Variants in ROBO1 observed in about 807,000 individuals in gnomAD.
ROBO1 encodes roundabout homolog 1.
ROBO1 carries 149 observed loss-of-function variants against 195.9 expected under a neutral mutation model. The observed-to-expected ratio is 0.76, with a 90% CI of 0.67 to 0.87. ROBO1 has a LOEUF of 0.87. Ranked by LOEUF, ROBO1 falls within the 40% of genes least tolerant of loss-of-function variation. ROBO1 has a pLI of 0.00. For synonymous variants in ROBO1, 816 were observed against 733.2 expected (o/e 1.11, Z -1.82); for missense variants, 1,933 against 2,068.3 (o/e 0.93, Z 1.27).
At chr3:78,786,841 T>C (rs943808543) in intron 4 of ROBO1, among the ~76,000 whole-genome samples, 7 of 152,170 alleles carry the variant, frequency 4.6e-5, no homozygotes, top group African/African-American at 1.2e-4. Flanking sequence ...TATTTCTTCA[T>C]AGCAGTATGA....
chr3:78,702,115 C>A (rs562211314), intron 8 of ROBO1, among the ~76,000 whole-genome samples: 5 of 152,148 alleles, frequency 3.3e-5, no homozygotes, highest in Admixed American at 3.3e-4. Flanking sequence ...CAAAGGACAC[C>A]AGATGCTATG....
At chr3:78,736,823 A>G (rs1192347766) in intron 5 of ROBO1, among the ~76,000 whole-genome samples, 1 of 152,182 alleles carries the variant, frequency 6.6e-6, no homozygotes, top group Non-Finnish European at 1.5e-5. Flanking sequence ...TCAGGGTCCA[A>G]ACATGATAAG....
At chr3:79,093,190 G>T (rs1169214606) in intron 3 of ROBO1, among the ~76,000 whole-genome samples, 2 of 152,086 alleles carry the variant, frequency 1.3e-5, no homozygotes, top group African/African-American at 2.4e-5. Context: ...AGAATATGGG[G>T]TAACACCAGG....
At chr3:78,918,365 G>GA (rs1424352182) in intron 4 of ROBO1, among the ~76,000 whole-genome samples, 2 of 152,006 alleles carry the variant, frequency 1.3e-5, no homozygotes, top group African/African-American at 2.4e-5. Context: ...CTCACAGGAT[G>GA]AAAAAAATGT....
chr3:79,388,958 T>G (rs1043569335), intron 2 of ROBO1, among the ~76,000 whole-genome samples: 2 of 152,026 alleles, frequency 1.3e-5, no homozygotes, highest in African/African-American at 4.8e-5. Context: ...CAGCATAATT[T>G]TAAAGAGAGG....
intron 17 of ROBO1, among the ~76,000 whole-genome samples, chr3:78,657,555 T>C (rs1446407144): frequency 6.6e-6 from 1 of 152,214 alleles, no homozygotes; most frequent in African/African-American, 2.4e-5. Context: ...GTAGTTTCTA[T>C]CAGCCCACTT....
intron 2 of ROBO1, among the ~76,000 whole-genome samples, chr3:79,570,331 C>A (rs953893062): frequency 6.6e-6 from 1 of 151,646 alleles, no homozygotes; most frequent in Admixed American, 6.6e-5. Context: ...TTTTTACGTC[C>A]CTGCTTAGGC....
chr3:78,724,619 T>A (rs915475223), intron 5 of ROBO1, among the ~76,000 whole-genome samples: 11 of 151,066 alleles, frequency 7.3e-5, no homozygotes, highest in African/African-American at 2.7e-4. Context: ...GAGGCAGAGG[T>A]TGCAGTGAGC....
chr3:79,114,233 C>G (rs1023664299), intron 3 of ROBO1, among the ~76,000 whole-genome samples: 1 of 152,114 alleles, frequency 6.6e-6, no homozygotes, highest in East Asian at 1.9e-4. Context: ...AACATAAGAA[C>G]AGACTATTAC....
At chr3:78,829,153 T>C (rs371435845) in intron 4 of ROBO1, among the ~76,000 whole-genome samples, 1 of 152,150 alleles carries the variant, frequency 6.6e-6, no homozygotes, top group Non-Finnish European at 1.5e-5. Context: ...ATCTCAAGTA[T>C]GTAGGATAAT....
chr3:79,396,356 A>G (rs1046800986), intron 2 of ROBO1, among the ~76,000 whole-genome samples: 1 of 152,126 alleles, frequency 6.6e-6, no homozygotes, highest in African/African-American at 2.4e-5. Flanking sequence ...ATCTTTTGAT[A>G]TATTCTATAC....
rs35081123 is a variant in ROBO1, at chr3:78,929,479, C to CATTTATTTATTT, written c.499+9110_499+9121dup. ...ACAGAAATTATTTCTTTTCCAGTATCATTTATTTATTTATTTATTTATTTA... is the reference window on the plus strand; with the variant it reads ...ACAGAAATTATTTCTTTTCCAGTATCATTTATTTATTTATTTATTTATTTATTTATTTATTTA... On this transcript the variant is annotated intron_variant, in intron 4 of 30. Coordinates refer to ENST00000464233, the MANE Select transcript of ROBO1 (RefSeq NM_002941.4). Among the ~76,000 whole-genome samples, 239 of 144,364 alleles carry CATTTATTTATTT rather than the reference C, an allele frequency of 1.7e-3. 1 individual carries two copies. The highest frequency in any genetic ancestry group is 3.5e-3 in the African/African-American group (135 of 38,968). The allele number at this position is 144,364 out of a possible 152,430, so 94.7% of individuals were successfully genotyped here. A position where few individuals can be genotyped will look rare whatever the true frequency, so the allele number is the denominator to read the frequency against.
intron 1 of ROBO1, among the ~76,000 whole-genome samples, chr3:79,743,834 C>A (rs918604261): frequency 1.3e-5 from 2 of 152,152 alleles, no homozygotes; most frequent in Non-Finnish European, 1.5e-5. Context: ...TGCCTTCCAC[C>A]TCCACATCTT....
intron 3 of ROBO1, among the ~76,000 whole-genome samples, chr3:79,115,165 C>A (rs1333152290): frequency 6.6e-6 from 1 of 152,140 alleles, no homozygotes; most frequent in African/African-American, 2.4e-5. Flanking sequence ...TCTTTCAAAT[C>A]ACAAATGTGC....
chr3:78,769,618 G>GTTTTTTTTTTTTTTTTTTTGTTTTTTAAT (rs2083318615), intron 4 of ROBO1, among the ~76,000 whole-genome samples: 1 of 84,006 alleles, frequency 1.2e-5, no homozygotes, highest in Non-Finnish European at 2.2e-5. Context: ...GTGTACTTTG[G>GTTTTTTTTTTTTTTTTTTTGTTTTTTAAT]TTTTTTTTTT....
At chr3:79,709,967 C>T (rs1218197616) in intron 1 of ROBO1, among the ~76,000 whole-genome samples, 1 of 152,110 alleles carries the variant, frequency 6.6e-6, no homozygotes, top group East Asian at 1.9e-4. Flanking sequence ...ACTTCCTAGC[C>T]CCTGGAATTG....
chr3:79,672,639 A>T (rs1430768872), intron 1 of ROBO1, among the ~76,000 whole-genome samples: 1 of 151,876 alleles, frequency 6.6e-6, no homozygotes, highest in Non-Finnish European at 1.5e-5. Flanking sequence ...ATAAGGATGC[A>T]TTTTATTAAT....
intron 2 of ROBO1, among the ~76,000 whole-genome samples, chr3:79,317,854 T>C (rs1449581071): frequency 6.6e-6 from 1 of 152,086 alleles, no homozygotes; most frequent in Non-Finnish European, 1.5e-5. Flanking sequence ...AGATCTGTGT[T>C]ATACACACAC....
Position 78,614,790 on chromosome 3 carries a change from A to G in ROBO1, c.4293T>C (p.His1431=). The change falls in exon 28 of 31, where the codon CAT becomes CAC. Residue 1431 remains histidine (H), a synonymous_variant. Transcript: ENST00000464233. The part of the protein sequence containing the change: ...RQMQDAAGRR[H]FHASQCPRPT... ...GCCTAGGGCACTGAGACGCATGAAA[A>G]TGTCGACGGCCTAAGGAGAAAAAAA... 8.7e-6 allele frequency: 14 copies of G among 1,610,424 alleles called. No homozygotes were observed. The highest frequency in any genetic ancestry group is 1.2e-5 in the Non-Finnish European group (14 of 1,178,452).
Sources: gnomAD v4.1 joint callset for allele counts (sites outside exome capture counted in the v4.1 genomes callset) on GRCh38, gnomAD v4.1.1 for gene constraint, MANE v1.5 for transcripts, NCBI Gene and HGNC (gene_info 2026-07-23, HGNC 2026-07-21) for gene names.